CIAO2B: variants seen among roughly 807,000 people sequenced by gnomAD.
CIAO2B encodes the protein MSS19-interacting protein of 18 kDa.
Under a neutral mutation model 16.4 loss-of-function variants are expected in CIAO2B, and 20 were observed. The observed-to-expected ratio is 1.22, with a 90% CI of 0.86 to 1.77. The LOEUF (loss-of-function observed/expected upper bound fraction) is 1.77, where lower values mean the gene tolerates loss of function less well. Ranked by LOEUF, CIAO2B falls within the 40% of genes most tolerant of loss-of-function variation. The pLI, the probability that CIAO2B is intolerant of heterozygous loss-of-function variation, is 0.00. For synonymous variants in CIAO2B, 106 were observed against 90.4 expected (o/e 1.17, Z -0.98); for missense variants, 215 against 222.4 (o/e 0.97, Z 0.21).
chr16:66,933,525 C>T (rs1394005351), intron 3 of CIAO2B, 89 bp downstream of exon 3: 12 of 1,509,816 alleles, frequency 7.9e-6, no homozygotes, highest in Non-Finnish European at 1.1e-5. Flanking sequence ...ACTCTGATGT[C>T]CTATCCATGT....
chr16:66,932,789 C>G lies in CIAO2B; in HGVS notation c.385G>C (p.Glu129Gln), dbSNP rs1381660684. The G allele has an allele frequency of 1.9e-6, 3 of 1,611,328 alleles. No individual in the cohort carries two copies. In the East Asian group the frequency reaches 6.7e-5, roughly 36 times the overall value. The change falls in exon 4 of 5, where the codon GAG (glutamate) becomes CAG (glutamine). Residue 129 changes from glutamate (E) to glutamine (Q), a missense_variant. Coordinates refer to ENST00000422424, the MANE Select transcript of CIAO2B (RefSeq NM_016062.4). The stretch of plus-strand genomic sequence containing the variant: ...ACCAGTCCACACTTACCTGCATGCT[C>G]TGAGGCATGGGTCCCCGGAGTAATG... ...VHITPGTHASEHAVNKQLADK... is the reference protein window; with the variant it reads ...VHITPGTHASQHAVNKQLADK...
Position 66,933,603 on chromosome 16 carries a change from C to T in CIAO2B, c.348+11G>A, listed in dbSNP as rs1963108091. ...GCCTGGTCTCACTCCCGGGGCTCAG[C>T]TCCAACTGACCTTGAAACGCTGAGG... On this transcript the variant is annotated intron_variant, in intron 3 of 4. Coordinates refer to ENST00000422424, the MANE Select transcript of CIAO2B (RefSeq NM_016062.4). 1 of 1,608,516 alleles carries T rather than the reference C, an allele frequency of 6.2e-7. No individual in the cohort carries two copies. Among genetic ancestry groups the T allele is most frequent in the Admixed American group, 1.7e-5 (1 of 59,366 alleles).
In CIAO2B at chr16:66,934,203, C is replaced by A; in HGVS notation, c.142+20G>T. 1 of 1,608,078 alleles carries A rather than the reference C, an allele frequency of 6.2e-7. No individual in the cohort carries two copies. The highest frequency in any genetic ancestry group is 2.2e-5 in the East Asian group (1 of 44,828). On this transcript the variant is annotated intron_variant, in intron 1 of 4. Transcript: ENST00000422424. The surrounding 1 kb of genome is among the most constrained non-coding windows in gnomAD (Gnocchi z 4.1). ...ACCGCAAGCCCCCGGAACCCGCCCG[C>A]GCCCAGCAGCGGCGGATATCGAAGA...
In CIAO2B at chr16:66,932,127, G is replaced by T; in HGVS notation, c.*76C>A. ...TAGTTTCTCATTGTGAGTGATTCAAGAAAACAACGGTAACAGCCCTGGCAG... is the reference window on the plus strand; with the variant it reads ...TAGTTTCTCATTGTGAGTGATTCAATAAAACAACGGTAACAGCCCTGGCAG... On this transcript the variant is annotated 3_prime_UTR_variant, in exon 5 of 5. Coordinates refer to ENST00000422424, the MANE Select transcript of CIAO2B (RefSeq NM_016062.4). 1 of 1,153,730 alleles carries T rather than the reference G, an allele frequency of 8.7e-7. No homozygotes were observed. Among genetic ancestry groups the T allele is most frequent in the East Asian group, 2.5e-5 (1 of 40,108 alleles). 71.5% of individuals were successfully genotyped at this position (1,153,730 alleles called of 1,614,324 possible).
chr16:66,932,878 C>T (rs1390868594), intron 3 of CIAO2B, 53 bp from the exon 4 acceptor site: 11 of 1,588,070 alleles, frequency 6.9e-6, no homozygotes, highest in Non-Finnish European at 8.6e-7. Context: ...CCACACTTTT[C>T]CCTGCAGCCC....
chr16:66,933,428 T>C (rs1567543838), intron 3 of CIAO2B, 186 bp downstream of exon 3: 1 of 833,460 alleles, frequency 1.2e-6, no homozygotes, highest in Non-Finnish European at 1.8e-6. Flanking sequence ...TTCTCCACTT[T>C]CCAGCTCAGA....
chr16:66,932,821 T>A lies in CIAO2B; in HGVS notation c.353A>T (p.Asp118Val). The A allele has an allele frequency of 6.2e-7, 1 of 1,611,924 alleles. No homozygotes were observed. The highest frequency in any genetic ancestry group is 8.5e-7 in the Non-Finnish European group (1 of 1,179,070). Residue 118 changes from aspartate to valine, a missense_variant, in exon 4 of 5, where the codon GAC becomes GTC. Asp to Val is a radical substitution (Grantham distance 152). Transcript: ENST00000422424. ...LRSLPQRFKM[D>V]VHITPGTHAS... ...ATGGGTCCCCGGAGTAATGTGCACG[T>A]CCATCTGGGAGGGAGATAACCAGGG...
At chr16:66,932,731 T>G (rs1963080976) in intron 4 of CIAO2B, 49 bp downstream of exon 4, 1 of 1,581,024 alleles carries the variant, frequency 6.3e-7, no homozygotes, top group East Asian at 2.3e-5. Context: ...AGCCTCAGAC[T>G]GCTTAGGGGG....
At position 66,933,672 on chromosome 16, in the gene CIAO2B, G is replaced by GT; in HGVS notation, c.289dup (p.Thr97AsnfsTer43). On this transcript the variant is annotated frameshift_variant, in exon 3 of 5. Transcript: ENST00000422424. LOFTEE classifies it high-confidence loss of function. ...GACCTTGATGGACAGACCAATAAGG[G>GT]TGGCCATGCTGCAGTGCGGAATGGT... 6.2e-7 allele frequency: 1 copy of GT among 1,604,500 alleles called. No homozygotes were observed. Among genetic ancestry groups the GT allele is most frequent in the African/African-American group, 1.3e-5 (1 of 74,744 alleles).
intron 4 of CIAO2B, 86 bp downstream of exon 4, chr16:66,932,694 T>C (rs998545044): frequency 2.7e-5 from 39 of 1,471,618 alleles, no homozygotes; most frequent in Non-Finnish European, 3.5e-5. Context: ...TCTCCAGTCT[T>C]GCCCATAGAC....
Position 66,934,342 on chromosome 16 carries a change from C to A in CIAO2B, c.23G>T (p.Gly8Val). Residue 8 changes from glycine (G) to valine (V), a missense_variant, in exon 1 of 5, where the codon GGC becomes GTC. Physicochemically the swap from Gly to Val is moderately radical, Grantham distance 109. Coordinates refer to ENST00000422424, the MANE Select transcript of CIAO2B (RefSeq NM_016062.4). The surrounding 1 kb of genome is among the most constrained non-coding windows in gnomAD (Gnocchi z 4.1). Reference sequence around the variant, plus strand: ...GTTGGCATTCTCCAGGAGGCCGCCGCCGACCCCGCCGCCGCCTACCATCGC... The same window carrying A: ...GTTGGCATTCTCCAGGAGGCCGCCGACGACCCCGCCGCCGCCTACCATCGC... Reference protein sequence around the residue: MVGGGGVGGGLLENANPL... With the variant: MVGGGGVVGGLLENANPL... 2 of 1,573,752 alleles carry A rather than the reference C, an allele frequency of 1.3e-6. No homozygotes were observed. The highest frequency in any genetic ancestry group is 1.7e-6 in the Non-Finnish European group (2 of 1,166,414).
chr16:66,932,921 T>C, intron 3 of CIAO2B, 96 bp from the exon 4 acceptor site: 1 of 1,340,864 alleles, frequency 7.5e-7, no homozygotes, highest in Non-Finnish European at 1.0e-6. Flanking sequence ...CAGCTGATCC[T>C]TCCTCCTAAT....
rs1963129670 is a variant in CIAO2B, at chr16:66,934,089, C to A, written c.143-23G>T. ...GATGTGGGAAGTGAAGGAAAAGGGA[C>A]TCTGCGCCCTTGCCCACTTAGAACC... On this transcript the variant is annotated intron_variant, in intron 1 of 4. Transcript: ENST00000422424. The surrounding 1 kb of genome is among the most constrained non-coding windows in gnomAD (Gnocchi z 4.1). 1 of 1,613,032 alleles carries A rather than the reference C, an allele frequency of 6.2e-7. No homozygotes were observed. Among genetic ancestry groups the A allele is most frequent in the Non-Finnish European group, 8.5e-7 (1 of 1,179,664 alleles).
chr16:66,934,381 C>T lies in CIAO2B; in HGVS notation c.-17G>A, dbSNP rs1169325855. The T allele has an allele frequency of 2.0e-6, 3 of 1,524,680 alleles. No individual in the cohort carries two copies. Among genetic ancestry groups the T allele is most frequent in the South Asian group, 2.5e-5 (2 of 81,358 alleles). 94.4% of individuals were successfully genotyped at this position (1,524,680 alleles called of 1,614,324 possible). ...GCCTACCATCGCGGAACCACCACCG[C>T]TGATCCTAGCAGGCGTGCGCTTCCG... On this transcript the variant is annotated 5_prime_UTR_variant, in exon 1 of 5. Transcript: ENST00000422424. This position sits in a 1 kb window ranked among gnomAD's most constrained non-coding sequence, Gnocchi z 4.1.
At position 66,932,156 on chromosome 16, in the gene CIAO2B, C is replaced by T; in HGVS notation, c.*47G>A. ...ACAACGGTAACAGCCCTGGCAGGAG[C>T]TGGGACCAGGATACCAGTATGCAGG... On this transcript the variant is annotated 3_prime_UTR_variant, in exon 5 of 5. Coordinates refer to ENST00000422424, the MANE Select transcript of CIAO2B (RefSeq NM_016062.4). The T allele has an allele frequency of 1.4e-6, 2 of 1,435,304 alleles. No homozygotes were observed. The highest frequency in any genetic ancestry group is 1.9e-6 in the Non-Finnish European group (2 of 1,036,154). The allele number at this position is 1,435,304 out of a possible 1,614,324, so 88.9% of individuals were successfully genotyped here. A position where few individuals can be genotyped will look rare whatever the true frequency, so the allele number is the denominator to read the frequency against.
rs1180746174 is a variant in CIAO2B at position 66,932,815 on chromosome 16, T to C, written c.359A>G (p.His120Arg). The C allele has an allele frequency of 6.2e-7, 1 of 1,612,138 alleles. No homozygotes were observed. The change falls in exon 4 of 5, where the codon CAC (histidine) becomes CGC (arginine). Residue 120 changes from histidine (H) to arginine (R), a missense_variant. By Grantham distance (29) the His-to-Arg change is conservative. Coordinates refer to ENST00000422424, the MANE Select transcript of CIAO2B (RefSeq NM_016062.4). ...TGAGGCATGGGTCCCCGGAGTAATG[T>C]GCACGTCCATCTGGGAGGGAGATAA... ...SLPQRFKMDV[H>R]ITPGTHASEH...
In CIAO2B at chr16:66,933,756, G is replaced by A. The variant is rs11075645; in HGVS notation, c.223-17C>T. On this transcript the variant is annotated splice_polypyrimidine_tract_variant and intron_variant, in intron 2 of 4. Coordinates refer to ENST00000422424, the MANE Select transcript of CIAO2B (RefSeq NM_016062.4). ...GTCGCTAACCTGGTTGTGGAGGAGAGATGTCAAGAGTCAACCACCCTCAGC... is the reference window on the plus strand; with the variant it reads ...GTCGCTAACCTGGTTGTGGAGGAGAAATGTCAAGAGTCAACCACCCTCAGC... 0.021 allele frequency: 33,071 copies of A among 1,552,758 alleles called. 436 individuals carry two copies. The highest frequency in any genetic ancestry group is 0.026 in the Non-Finnish European group (29,994 of 1,147,974).
Position 66,934,251 on chromosome 16 carries a change from G to C in CIAO2B, c.114C>G (p.Pro38=), listed in dbSNP as rs746699790. The change falls in exon 1 of 5, where the codon CCC becomes CCG. Residue 38 remains proline (P), a synonymous_variant. Transcript: ENST00000422424. This position sits in a 1 kb window ranked among gnomAD's most constrained non-coding sequence, Gnocchi z 4.1. ...AGATCTCGCGTGCGTCGATGCTGTC[G>C]GGAACCTGCTCGTCCTCCTCGCCTG... is the stretch of plus-strand genomic sequence containing the variant. ...VTAGEEDEQV[P]DSIDAREIFD... 6.2e-7 allele frequency: 1 copy of C among 1,609,870 alleles called. No homozygotes were observed. Among genetic ancestry groups the C allele is most frequent in the Non-Finnish European group, 8.5e-7 (1 of 1,179,616 alleles).
chr16:66,933,247 C>T (rs1483095287), intron 3 of CIAO2B, among the ~76,000 whole-genome samples: 1 of 152,166 alleles, frequency 6.6e-6, no homozygotes, highest in African/African-American at 2.4e-5. Context: ...CCTCAGCCTC[C>T]CAAAGTGCTG....
Sources: allele counts gnomAD v4.1 joint callset (sites outside exome capture counted in the v4.1 genomes callset), GRCh38; gene constraint gnomAD v4.1.1; non-coding constraint Gnocchi (gnomAD v3.1); transcripts MANE v1.5; gene names NCBI Gene and HGNC (gene_info 2026-07-23, HGNC 2026-07-21).